The following RBFOX1 variants were observed in gnomAD, a reference collection of about 807,000 sequenced individuals.
RBFOX1 encodes RNA binding fox-1 homolog 1, also known as RNA binding protein fox-1 homolog 1.
RBFOX1 carries 8 observed loss-of-function variants against 57.7 expected under a neutral mutation model. The observed-to-expected ratio is 0.14, with a 90% CI of 0.08 to 0.25. RBFOX1 has a LOEUF of 0.25. Among genes scored for constraint, RBFOX1 ranks in the 10% least tolerant of loss-of-function variants. The pLI is 1.00. For missense variants in RBFOX1, 611 were observed against 548.5 expected (o/e 1.11, Z -1.14); for synonymous variants, 326 against 222.4 (o/e 1.47, Z -4.15).
At chr16:6,555,896 GC>G (rs2097091220) in intron 2 of RBFOX1, among the ~76,000 whole-genome samples, 1 of 152,126 alleles carries the variant, frequency 6.6e-6, no homozygotes, top group Non-Finnish European at 1.5e-5. Flanking sequence ...TTAAATATTG[GC>G]TGCATAAGGG....
At chr16:6,920,693 C>A (rs2074268881) in intron 3 of RBFOX1, among the ~76,000 whole-genome samples, 1 of 152,188 alleles carries the variant, frequency 6.6e-6, no homozygotes. Flanking sequence ...TCCAAGCAAT[C>A]ATTGGCACCC....
chr16:7,543,977 C>T (rs946575282), intron 5 of RBFOX1, among the ~76,000 whole-genome samples: 1 of 152,198 alleles, frequency 6.6e-6, no homozygotes, highest in Admixed American at 6.5e-5. Context: ...CCTTGGTTTC[C>T]CAAAGTGCTG....
chr16:6,816,684 G>A (rs1803333565), intron 3 of RBFOX1, among the ~76,000 whole-genome samples: 3 of 149,794 alleles, frequency 2.0e-5, no homozygotes, highest in Non-Finnish European at 4.4e-5. Context: ...AGCTTGCAGT[G>A]AGCTGAGACT....
intron 2 of RBFOX1, among the ~76,000 whole-genome samples, chr16:6,533,030 C>T (rs568285095): frequency 8.1e-4 from 123 of 152,290 alleles, no homozygotes; most frequent in African/African-American, 2.3e-3. Flanking sequence ...GAAGATTCAT[C>T]TTACTTCTGA....
At chr16:5,736,656 G>T (rs1323352872) in intron 3 of RBFOX1, among the ~76,000 whole-genome samples, 3 of 151,954 alleles carry the variant, frequency 2.0e-5, no homozygotes, top group Non-Finnish European at 4.4e-5. Context: ...CTGTCACCTG[G>T]CATTTTCCTG....
chr16:6,688,050 C>G (rs973498599), intron 3 of RBFOX1, among the ~76,000 whole-genome samples: 6 of 152,152 alleles, frequency 3.9e-5, no homozygotes, highest in African/African-American at 1.4e-4. Flanking sequence ...TCCATTCTTG[C>G]ACTGCCATAG....
At chr16:7,017,716 C>T (rs532525783) in intron 3 of RBFOX1, among the ~76,000 whole-genome samples, 1 of 152,162 alleles carries the variant, frequency 6.6e-6, no homozygotes, top group Admixed American at 6.5e-5. Flanking sequence ...TAGCTTTTCT[C>T]TTCACGTTTT....
At chr16:6,590,715 C>T (rs1286245246) in intron 2 of RBFOX1, among the ~76,000 whole-genome samples, 2 of 152,090 alleles carry the variant, frequency 1.3e-5, no homozygotes, top group African/African-American at 4.8e-5. Flanking sequence ...GAGGAGGGTT[C>T]GTATTGACGG....
chr16:6,515,396 C>T (rs1220357460), intron 2 of RBFOX1, among the ~76,000 whole-genome samples: 1 of 152,186 alleles, frequency 6.6e-6, no homozygotes, highest in East Asian at 1.9e-4. Flanking sequence ...TAAAACCAAA[C>T]ATATGAGCCT....
intron 4 of RBFOX1, among the ~76,000 whole-genome samples, chr16:7,105,959 T>C (rs990016316): frequency 2.6e-5 from 4 of 152,146 alleles, no homozygotes; most frequent in Admixed American, 2.0e-4. Context: ...TGTCCAGTCT[T>C]TGTCTGTGCT....
chr16:6,553,409 G>C (rs1477282222), intron 2 of RBFOX1, among the ~76,000 whole-genome samples: 1 of 152,156 alleles, frequency 6.6e-6, no homozygotes, highest in Non-Finnish European at 1.5e-5. Flanking sequence ...GGATAGAAAG[G>C]AGAATGCTCT....
At chr16:6,439,423 G>A (rs2094319501) in intron 2 of RBFOX1, among the ~76,000 whole-genome samples, 1 of 152,158 alleles carries the variant, frequency 6.6e-6, no homozygotes, top group Non-Finnish European at 1.5e-5. Flanking sequence ...CCCGGGCTGT[G>A]CCTTAGCTCA....
chr16:5,745,016 C>T (rs1363352319), intron 3 of RBFOX1, among the ~76,000 whole-genome samples: 6 of 152,098 alleles, frequency 3.9e-5, no homozygotes, highest in South Asian at 4.2e-4. Context: ...CATATGTATA[C>T]GTGTGCCCTG....
At chr16:6,464,116 G>A (rs1463897333) in intron 2 of RBFOX1, among the ~76,000 whole-genome samples, 1 of 152,068 alleles carries the variant, frequency 6.6e-6, no homozygotes, top group Non-Finnish European at 1.5e-5. Context: ...TCGAAATGTG[G>A]GCCACATTTA....
At chr16:6,979,389 T>G (rs200382190) in intron 3 of RBFOX1, among the ~76,000 whole-genome samples, 1 of 7,424 alleles carries the variant, frequency 1.3e-4, no homozygotes, top group Admixed American at 6.7e-4. Context: ...GCACTTTCCA[T>G]TGTGCGATAG....
intron 1 of RBFOX1, among the ~76,000 whole-genome samples, chr16:6,089,075 AAAAAT>A (rs1466339669): frequency 1.4e-5 from 2 of 146,998 alleles, no homozygotes; most frequent in African/African-American, 5.1e-5. Flanking sequence ...CAAAAAAAAA[AAAAAT>A]ATATATATAT....
At chr16:5,448,928 C>T (rs186575179) in intron 1 of RBFOX1, among the ~76,000 whole-genome samples, 1 of 152,180 alleles carries the variant, frequency 6.6e-6, no homozygotes, top group Non-Finnish European at 1.5e-5. Flanking sequence ...TACGTGTCTC[C>T]TCCCACTCTC....
intron 3 of RBFOX1, among the ~76,000 whole-genome samples, chr16:6,668,737 G>A (rs1399655296): frequency 1.3e-5 from 2 of 151,914 alleles, no homozygotes; most frequent in Non-Finnish European, 2.9e-5. Context: ...TATTAATTGG[G>A]GCTGAAATGC....
chr16:6,232,049 A>G (rs746026390), intron 1 of RBFOX1, among the ~76,000 whole-genome samples: 1 of 152,188 alleles, frequency 6.6e-6, no homozygotes, highest in Non-Finnish European at 1.5e-5. Context: ...ATTTCCTGAA[A>G]TTCATAATTT....
Sources: gnomAD v4.1 joint callset for allele counts (sites outside exome capture counted in the v4.1 genomes callset) on GRCh38, gnomAD v4.1.1 for gene constraint, MANE v1.5 for transcripts, NCBI Gene and HGNC (gene_info 2026-07-23, HGNC 2026-07-21) for gene names.